RALGPS2: variants seen among roughly 807,000 people sequenced by gnomAD.
RALGPS2 encodes the protein Ral GEF with PH domain and SH3 binding motif 2, also known as ras-specific guanine nucleotide-releasing factor RalGPS2.
A neutral mutation model predicts 86.8 loss-of-function variants in RALGPS2; 43 were observed. The observed-to-expected ratio is 0.50, with a 90% confidence interval of 0.39 to 0.64. The LOEUF is 0.64. Among genes scored for constraint, RALGPS2 ranks in the 30% least tolerant of loss-of-function variants. The pLI, the probability that RALGPS2 is intolerant of heterozygous loss-of-function variation, is 0.00. For synonymous variants in RALGPS2, 243 were observed against 231.3 expected, an observed-to-expected ratio of 1.05 and a Z score of -0.46; for missense variants, 536 against 694.6, an observed-to-expected ratio of 0.77 and a Z score of 2.57.
intron 4 of RALGPS2, among the ~76,000 whole-genome samples, chr1:178,795,225 C>T (rs921669737): frequency 1.3e-5 from 2 of 151,484 alleles, no homozygotes; most frequent in Admixed American, 6.6e-5. Flanking sequence ...TATTTATCCT[C>T]GTAGATCAAT....
At chr1:178,851,163 C>T (rs1657148016) in intron 8 of RALGPS2, 1 of 1,613,750 alleles carries the variant, frequency 6.2e-7, no homozygotes. Flanking sequence ...CTGAACTGCT[C>T]TTAAGGAGTA....
chr1:178,861,577 T>G (rs1658015416), intron 8 of RALGPS2, among the ~76,000 whole-genome samples: 2 of 152,164 alleles, frequency 1.3e-5, no homozygotes, highest in Non-Finnish European at 1.5e-5. Context: ...TCTGCTAGAA[T>G]TGGTTATACC....
intron 4 of RALGPS2, among the ~76,000 whole-genome samples, chr1:178,797,724 G>A (rs1189448810): frequency 6.6e-6 from 1 of 151,964 alleles, no homozygotes; most frequent in Non-Finnish European, 1.5e-5. Context: ...ATAAATCTGT[G>A]ATTTTTGTCA....
At chr1:178,745,634 A>T (rs1306712341) in intron 1 of RALGPS2, among the ~76,000 whole-genome samples, 1 of 152,188 alleles carries the variant, frequency 6.6e-6, no homozygotes, top group African/African-American at 2.4e-5. Context: ...CTCAAAATGA[A>T]TCAAAGACCT....
chr1:178,847,804 G>C (rs1656940012), intron 8 of RALGPS2, among the ~76,000 whole-genome samples: 1 of 152,192 alleles, frequency 6.6e-6, no homozygotes. Context: ...GTAAACAGTA[G>C]AATGAAAATT....
chr1:178,893,148 A>G (rs1166670967), intron 15 of RALGPS2, among the ~76,000 whole-genome samples: 3 of 152,146 alleles, frequency 2.0e-5, no homozygotes, highest in Non-Finnish European at 2.9e-5. Context: ...GTCAGCATGT[A>G]TGTTTTATTG....
intron 8 of RALGPS2, among the ~76,000 whole-genome samples, chr1:178,854,018 ATT>A (rs1657364447): frequency 1.3e-5 from 2 of 151,884 alleles, no homozygotes; most frequent in Admixed American, 1.3e-4. Flanking sequence ...TATTTTTTAT[ATT>A]GTTATAATCC....
intron 1 of RALGPS2, among the ~76,000 whole-genome samples, chr1:178,743,296 AAAG>A (rs779018832): frequency 1.3e-5 from 2 of 152,218 alleles, no homozygotes; most frequent in Non-Finnish European, 2.9e-5. Context: ...CTACATAAGA[AAAG>A]AAGAAAGATC....
chr1:178,875,839 G>C (rs1229973753), intron 8 of RALGPS2, among the ~76,000 whole-genome samples: 1 of 152,128 alleles, frequency 6.6e-6, no homozygotes, highest in Non-Finnish European at 1.5e-5. Context: ...GTGGTTGTCT[G>C]GAAGGAGGCA....
intron 8 of RALGPS2, among the ~76,000 whole-genome samples, chr1:178,835,537 C>A (rs1182559679): frequency 6.6e-6 from 1 of 151,984 alleles, no homozygotes; most frequent in Non-Finnish European, 1.5e-5. Flanking sequence ...GGATTACAGG[C>A]ATGCACCACC....
At position 178,738,397 on chromosome 1, in the gene RALGPS2, CAG is replaced by C. The variant is rs575731550; in HGVS notation, c.-84+12981_-84+12982del. Among the ~76,000 whole-genome samples, 823 of 151,762 alleles carry C rather than the reference CAG, an allele frequency of 5.4e-3. 16 individuals are homozygous for C. The highest frequency in any genetic ancestry group is 0.019 in the African/African-American group (780 of 41,388). ...CTGATTTTTTGTGTTTTAGTAGAGACAGAGTTTCACCATGTTGCCCAGGCTGG... is the reference window on the plus strand; with the variant it reads ...CTGATTTTTTGTGTTTTAGTAGAGACAGTTTCACCATGTTGCCCAGGCTGG... On this transcript the variant is annotated intron_variant, in intron 1 of 19. Coordinates refer to ENST00000367635, the MANE Select transcript of RALGPS2 (RefSeq NM_152663.5).
intron 8 of RALGPS2, chr1:178,851,262 G>C (rs1657154855): frequency 6.2e-7 from 1 of 1,613,720 alleles, no homozygotes; most frequent in Non-Finnish European, 8.5e-7. Context: ...ATTTAGGTTA[G>C]AATGTGCACA....
At chr1:178,794,488 G>A (rs745557531) in intron 4 of RALGPS2, among the ~76,000 whole-genome samples, 3 of 152,138 alleles carry the variant, frequency 2.0e-5, no homozygotes, top group Non-Finnish European at 4.4e-5. Context: ...CTTTCATGTT[G>A]CAGAAGCTTG....
At chr1:178,858,180 T>C (rs1396693642) in intron 8 of RALGPS2, among the ~76,000 whole-genome samples, 2 of 152,154 alleles carry the variant, frequency 1.3e-5, no homozygotes, top group Non-Finnish European at 2.9e-5. Context: ...TATTTATTTG[T>C]ATTTATTTTT....
At chr1:178,801,883 G>A (rs1407839785) in intron 4 of RALGPS2, among the ~76,000 whole-genome samples, 6 of 152,228 alleles carry the variant, frequency 3.9e-5, no homozygotes, top group South Asian at 2.1e-4. Context: ...TTAAAATTCC[G>A]TTTGAAGCCC....
rs531507960 is a variant in RALGPS2 at position 178,905,589 on chromosome 1, C to T, written c.1631-1187C>T. On this transcript the variant is annotated intron_variant, in intron 18 of 19. Coordinates refer to ENST00000367635, the MANE Select transcript of RALGPS2 (RefSeq NM_152663.5). ...AATCTCAAGGAAAAGCTGAATAATG[C>T]TTAAATATAGTTAGGCTCTTGAGCC... 2.0e-5 allele frequency among the ~76,000 whole-genome samples: 3 copies of T among 152,152 alleles called. No individual in the cohort carries two copies. In the East Asian group the frequency reaches 5.8e-4, roughly 29 times the overall value.
In RALGPS2 at chr1:178,892,256, C is replaced by A; in HGVS notation, c.1274C>A (p.Pro425Gln). The A allele has an allele frequency of 6.2e-7, 1 of 1,612,604 alleles. No individual in the cohort carries two copies. Among genetic ancestry groups the A allele is most frequent in the Non-Finnish European group, 8.5e-7 (1 of 1,179,042 alleles). The change falls in exon 15 of 20, where the codon CCG becomes CAG. Residue 425 changes from proline to glutamine, a missense_variant. By Grantham distance (76) the Pro-to-Gln change is moderately conservative. Around this residue, in one of 3 missense-constraint regions of RALGPS2, gnomAD observed 309 missense variants for 363.0 expected, o/e 0.85. Transcript: ENST00000367635. ...AACAGATTATACCATTCTCTCGGCC[C>A]GGTGACAAGAGTGGCACGAAATGGC... ...ERNRLYHSLG[P>Q]VTRVARNGYR... is the part of the protein sequence containing the mutation.
Position 178,828,978 on chromosome 1 carries a change from G to A in RALGPS2, c.481-4446G>A, listed in dbSNP as rs139550817. Among the ~76,000 whole-genome samples the A allele has an allele frequency of 3.6e-4, 55 of 152,240 alleles. No homozygotes were observed. In the Middle Eastern group the frequency reaches 0.01, roughly 28 times the overall value. ...AAGAGATATCTGCACTCCTATGTTC[G>A]TTGCAGCATTATTCACAATAGCCAG... On this transcript the variant is annotated intron_variant, in intron 7 of 19. Transcript: ENST00000367635.
chr1:178,767,698 AG>A (rs1652582959), intron 1 of RALGPS2, among the ~76,000 whole-genome samples: 1 of 152,184 alleles, frequency 6.6e-6, no homozygotes, highest in South Asian at 2.1e-4. Flanking sequence ...TCTGGCTACA[AG>A]AGGCCAGGCC....
Sources: gnomAD v4.1 joint callset for allele counts (sites outside exome capture counted in the v4.1 genomes callset) on GRCh38, gnomAD v4.1.1 for gene constraint, gnomAD v4.1.1 regional missense constraint, MANE v1.5 for transcripts, NCBI Gene and HGNC (gene_info 2026-07-23, HGNC 2026-07-21) for gene names.